The following TEX15 variants were observed in gnomAD, a reference collection of about 807,000 sequenced individuals.
TEX15 encodes the protein testis expressed 15, meiosis and synapsis associated.
TEX15 carries 171 observed loss-of-function variants against 237.3 expected under a neutral mutation model. The ratio of observed to expected loss-of-function variants is 0.72; its 90% CI spans 0.64 to 0.82. The LOEUF (loss-of-function observed/expected upper bound fraction) is 0.82. Among genes scored for constraint, TEX15 ranks in the 40% least tolerant of loss-of-function variants. TEX15 has a pLI of 0.00. For synonymous variants in TEX15, 1,338 were observed against 1,269.8 expected (o/e 1.05, Z -1.14); for missense variants, 3,750 against 3,646.5 (o/e 1.03, Z -0.73).
rs781062099 is a variant in TEX15, at chr8:30,845,833, T to C, written c.4334A>G (p.His1445Arg). The part of the protein sequence containing the change: ...VSQRKYYSTK[H>R]FSSKRKYDKR... ...GTCATATTTTCTTTTTGACGAAAAA[T>C]GCTTAGTAGAATAATATTTTCTTTG... is the stretch of plus-strand genomic sequence containing the variant. Residue 1445 changes from histidine (H) to arginine (R), a missense_variant, in exon 8 of 11, where the codon CAT becomes CGT. Coordinates refer to ENST00000643185, the MANE Select transcript of TEX15 (RefSeq NM_001350162.2). The C allele has an allele frequency of 6.2e-6, 10 of 1,608,648 alleles. No individual in the cohort carries two copies. Among genetic ancestry groups the C allele is most frequent in the Non-Finnish European group, 6.8e-6 (8 of 1,178,634 alleles).
Position 30,846,004 on chromosome 8 carries a change from T to C in TEX15, c.4163A>G (p.Lys1388Arg), listed in dbSNP as rs529728187. ...TGTGTGAACTCTTCTATGAGCTTTT[T>C]TTAAGTGAACAACTGCTTTGTCTAG... Reference protein sequence around the residue: ...RKLDKAVVHLKKAHRRVHTSL... With the variant: ...RKLDKAVVHLRKAHRRVHTSL... Residue 1388 changes from lysine to arginine, a missense_variant, in exon 8 of 11, where the codon AAA (lysine) becomes AGA (arginine). Transcript: ENST00000643185. The C allele has an allele frequency of 8.6e-5, 139 of 1,613,080 alleles. No homozygotes were observed. Among genetic ancestry groups the C allele is most frequent in the South Asian group, 5.7e-4 (52 of 90,914 alleles).
intron 3 of TEX15, among the ~76,000 whole-genome samples, chr8:30,876,882 C>T (rs758709970): frequency 6.6e-6 from 1 of 151,978 alleles, no homozygotes; most frequent in Non-Finnish European, 1.5e-5. Flanking sequence ...GGGCAGTTAC[C>T]CCATGCTAGT....
intron 1 of TEX15, among the ~76,000 whole-genome samples, chr8:30,907,720 A>ATTTATATATAAATTAGATATAAAAT (rs1809138487): frequency 7.0e-6 from 1 of 143,160 alleles, no homozygotes; most frequent in African/African-American, 2.5e-5. Context: ...TAGATATAAA[A>ATTTATATATAAATTAGATATAAAAT]TTTATATATA....
intron 2 of TEX15, chr8:30,890,595 C>G (rs1426073434): frequency 6.6e-6 from 1 of 152,224 alleles, no homozygotes; most frequent in African/African-American, 2.4e-5. Context: ...CTCACGTGGC[C>G]TCTCTCTGTT....
chr8:30,887,938 GTTTCTAATGCAT>G (rs1808698510), intron 2 of TEX15, among the ~76,000 whole-genome samples: 1 of 88,692 alleles, frequency 1.1e-5, no homozygotes, highest in African/African-American at 3.6e-5. Flanking sequence ...ATGAATTTTT[GTTTCTAATGCAT>G]TTTTTCCTCG....
intron 1 of TEX15, among the ~76,000 whole-genome samples, chr8:30,905,577 T>C (rs1317748166): frequency 6.6e-6 from 1 of 151,966 alleles, no homozygotes; most frequent in African/African-American, 2.4e-5. Flanking sequence ...TAAGAGATAA[T>C]ATTTTTGGTG....
intron 10 of TEX15, among the ~76,000 whole-genome samples, chr8:30,834,592 C>A (rs1275331328): frequency 6.6e-6 from 1 of 152,176 alleles, no homozygotes; most frequent in Non-Finnish European, 1.5e-5. Flanking sequence ...ACAATACCAC[C>A]TAATACTCAC....
At chr8:30,905,799 G>A (rs1442126264) in intron 1 of TEX15, among the ~76,000 whole-genome samples, 1 of 151,448 alleles carries the variant, frequency 6.6e-6, no homozygotes, top group Non-Finnish European at 1.5e-5. Context: ...AGCTGCTCGG[G>A]ATGCTGAGGT....
At position 30,881,632 on chromosome 8, in the gene TEX15, T is replaced by A. The variant is rs575829424; in HGVS notation, c.136+5535A>T. Reference sequence around the variant, plus strand: ...TGACTTTTTATTTTTTTTTATTATTTTTTTTTTTTGAGACAGTCTTGCTCT... The same window carrying A: ...TGACTTTTTATTTTTTTTTATTATTATTTTTTTTTGAGACAGTCTTGCTCT... On this transcript the variant is annotated intron_variant, in intron 3 of 10. Transcript: ENST00000643185. Among the ~76,000 whole-genome samples, 278 of 140,928 alleles carry A rather than the reference T, an allele frequency of 2.0e-3. 15 individuals carry two copies. Among genetic ancestry groups the A allele is most frequent in the Non-Finnish European group, 2.8e-3 (184 of 66,424 alleles). 92.5% of individuals were successfully genotyped at this position (140,928 alleles called of 152,430 possible).
intron 3 of TEX15, among the ~76,000 whole-genome samples, chr8:30,877,974 C>T (rs1273680510): frequency 6.6e-6 from 1 of 152,094 alleles, no homozygotes; most frequent in Non-Finnish European, 1.5e-5. Flanking sequence ...TCTCCCACAC[C>T]CCCATTCTCC....
intron 4 of TEX15, among the ~76,000 whole-genome samples, chr8:30,870,187 T>C (rs1808263115): frequency 6.6e-6 from 1 of 152,004 alleles, no homozygotes. Context: ...TAAATAAATG[T>C]AAAAGACAGA....
intron 2 of TEX15, among the ~76,000 whole-genome samples, chr8:30,890,129 T>C (rs908890099): frequency 7.3e-5 from 11 of 151,122 alleles, no homozygotes; most frequent in African/African-American, 2.7e-4. Flanking sequence ...ACATATGGTA[T>C]ATAAAGTATA....
At chr8:30,910,571 A>G (rs1406538247) in intron 1 of TEX15, among the ~76,000 whole-genome samples, 1 of 151,142 alleles carries the variant, frequency 6.6e-6, no homozygotes, top group East Asian at 1.9e-4. Flanking sequence ...TAGCATCCCA[A>G]ATAGCTGGGG....
rs1384282425 is a variant in TEX15, at chr8:30,843,715, T to C, written c.6452A>G (p.Glu2151Gly). The C allele has an allele frequency of 6.2e-7, 1 of 1,612,880 alleles. No homozygotes were observed. The highest frequency in any genetic ancestry group is 1.7e-5 in the Admixed American group (1 of 59,852). The change falls in exon 8 of 11, where the codon GAA becomes GGA. Residue 2151 changes from glutamate (E) to glycine (G), a missense_variant. By Grantham distance (98) the Glu-to-Gly change is moderately conservative (BLOSUM62 -2). Coordinates refer to ENST00000643185, the MANE Select transcript of TEX15 (RefSeq NM_001350162.2). ...TTCCCTTTTTGTTTCTTCAAGCAAT[T>C]CAACTAATTGATCATGGTAAGTCTG... ...ELQTYHDQLV[E>G]LLEETKREKN...
At position 30,837,718 on chromosome 8, in the gene TEX15, G is replaced by A; in HGVS notation, c.8566C>T (p.His2856Tyr). 2 of 1,614,090 alleles carry A rather than the reference G, an allele frequency of 1.2e-6. No individual in the cohort carries two copies. Among genetic ancestry groups the A allele is most frequent in the Non-Finnish European group, 1.7e-6 (2 of 1,179,960 alleles). Reference protein sequence around the residue: ...KSVHGTFSPDHGTLLQKFLKN... With the variant: ...KSVHGTFSPDYGTLLQKFLKN... ...AGAAATTTCTGCAAAAGCGTCCCAT[G>A]GTCTGGTGAAAATGTGCCATGTACA... The change falls in exon 10 of 11, where the codon CAT becomes TAT. Residue 2856 changes from histidine (H) to tyrosine (Y), a missense_variant. Transcript: ENST00000643185.
intron 7 of TEX15, among the ~76,000 whole-genome samples, chr8:30,855,605 G>T (rs1807892352): frequency 6.6e-6 from 1 of 152,040 alleles, no homozygotes. Flanking sequence ...CTGTACTCAA[G>T]AGCAATGAAA....
intron 1 of TEX15, among the ~76,000 whole-genome samples, chr8:30,904,741 C>CT (rs1809066059): frequency 6.6e-6 from 1 of 152,156 alleles, no homozygotes; most frequent in African/African-American, 2.4e-5. Context: ...AAACATTAAA[C>CT]TATCTTTCTG....
intron 2 of TEX15, among the ~76,000 whole-genome samples, chr8:30,892,109 T>G (rs1462188635): frequency 6.6e-6 from 1 of 152,236 alleles, no homozygotes; most frequent in Non-Finnish European, 1.5e-5. Flanking sequence ...CCCATATATT[T>G]TCTTCTAAAA....
In TEX15 at chr8:30,836,580, T is replaced by C. The variant is rs534135235; in HGVS notation, c.9481+223A>G. On this transcript the variant is annotated intron_variant, in intron 10 of 10. Transcript: ENST00000643185. ...GTTGGGTTTTATTGAAGAACAAACA[T>C]GTCAAGGACATATTAGTGATACTGA... Among the ~76,000 whole-genome samples, 3 of 152,284 alleles carry C rather than the reference T, an allele frequency of 2.0e-5. No individual in the cohort carries two copies. In the East Asian group the frequency reaches 5.8e-4, roughly 29 times the overall value.
Sources: gnomAD v4.1 joint callset for allele counts (sites outside exome capture counted in the v4.1 genomes callset) on GRCh38, gnomAD v4.1.1 for gene constraint, MANE v1.5 for transcripts, NCBI Gene and HGNC (gene_info 2026-07-23, HGNC 2026-07-21) for gene names.